CNOT6L: variants seen among roughly 807,000 people sequenced by gnomAD.
The protein encoded by CNOT6L is CCR4-NOT transcription complex subunit 6 like.
A neutral mutation model predicts 64.0 loss-of-function variants in CNOT6L; 7 were observed. The observed-to-expected ratio is 0.11, with a 90% CI of 0.06 to 0.21. CNOT6L has a LOEUF of 0.21. Ranked by LOEUF, CNOT6L falls within the 10% of genes least tolerant of loss-of-function variation. The pLI is 1.00. For missense variants in CNOT6L, 245 were observed against 669.0 expected (o/e 0.37, Z 6.99); for synonymous variants, 193 against 243.4 (o/e 0.79, Z 1.93).
chr4:77,730,474 G>T (rs1014484329), intron 9 of CNOT6L, among the ~76,000 whole-genome samples: 1 of 151,680 alleles, frequency 6.6e-6, no homozygotes, highest in African/African-American at 2.4e-5. Context: ...TTACTCTTCC[G>T]CAAATTAAAA....
At chr4:77,731,677 G>T in intron 8 of CNOT6L, 139 bp from the exon 9 acceptor site, 1 of 569,970 alleles carries the variant, frequency 1.8e-6, no homozygotes, top group Non-Finnish European at 2.9e-6. Flanking sequence ...TGGCCACTAA[G>T]ACACAAGAAG....
intron 1 of CNOT6L, among the ~76,000 whole-genome samples, chr4:77,791,832 A>T (rs1408606478): frequency 2.6e-5 from 4 of 152,194 alleles, no homozygotes; most frequent in Non-Finnish European, 5.9e-5. Flanking sequence ...AAAACCTTGC[A>T]TCTAAAGGAA....
At chr4:77,800,876 A>G (rs1731455376) in intron 1 of CNOT6L, among the ~76,000 whole-genome samples, 1 of 152,220 alleles carries the variant, frequency 6.6e-6, no homozygotes, top group African/African-American at 2.4e-5. Context: ...AAGGATGTAA[A>G]AGAAAGTTAA....
At chr4:77,819,249 C>G (rs766787052) in intron 1 of CNOT6L, 55 bp downstream of exon 1, 1 of 1,613,194 alleles carries the variant, frequency 6.2e-7, no homozygotes, top group East Asian at 2.2e-5. Context: ...TCCCCGGGGA[C>G]GCGCTCCTCT....
chr4:77,818,896 G>C, intron 1 of CNOT6L: 1 of 496,680 alleles, frequency 2.0e-6, no homozygotes, highest in Non-Finnish European at 3.7e-6. Context: ...CCGACCAGCA[G>C]CTCTCCCAGC....
intron 1 of CNOT6L, among the ~76,000 whole-genome samples, chr4:77,813,216 T>C (rs1237391803): frequency 3.3e-5 from 5 of 152,144 alleles, no homozygotes. Context: ...AAGATCTAAA[T>C]GTAAGAGTTA....
At chr4:77,739,549 T>C (rs537321049) in intron 8 of CNOT6L, among the ~76,000 whole-genome samples, 4 of 152,312 alleles carry the variant, frequency 2.6e-5, no homozygotes, top group East Asian at 3.9e-4. Flanking sequence ...AAATTCCAAA[T>C]AGTTGGCACT....
chr4:77,774,216 C>T (rs1727918468), intron 3 of CNOT6L, among the ~76,000 whole-genome samples: 1 of 152,090 alleles, frequency 6.6e-6, no homozygotes. Context: ...AAGTTTTATT[C>T]ATCAGCAAAT....
chr4:77,765,178 CA>C (rs1185971593), intron 4 of CNOT6L, among the ~76,000 whole-genome samples: 1 of 152,138 alleles, frequency 6.6e-6, no homozygotes, highest in East Asian at 1.9e-4. Flanking sequence ...TGACAGTTTA[CA>C]AAGGCCATGG....
chr4:77,727,876 G>A, intron 10 of CNOT6L, among the ~76,000 whole-genome samples: 1 of 152,140 alleles, frequency 6.6e-6, no homozygotes, highest in East Asian at 1.9e-4. Flanking sequence ...TTGCTAAGAA[G>A]AAAAAGATGT....
chr4:77,754,555 T>A (rs1725241459), intron 5 of CNOT6L, among the ~76,000 whole-genome samples: 2 of 152,036 alleles, frequency 1.3e-5, no homozygotes, highest in Admixed American at 6.6e-5. Context: ...AAAACCTCGT[T>A]CTAAAAATTT....
intron 2 of CNOT6L, 69 bp from the exon 3 acceptor site, chr4:77,774,785 T>C (rs1284104166): frequency 3.0e-6 from 3 of 988,346 alleles, no homozygotes; most frequent in Non-Finnish European, 4.3e-6. Context: ...CTACAACGAC[T>C]GAAAAGTGGT....
At chr4:77,743,565 G>A in intron 7 of CNOT6L, among the ~76,000 whole-genome samples, 1 of 136,170 alleles carries the variant, frequency 7.3e-6, no homozygotes, top group Non-Finnish European at 1.6e-5. Flanking sequence ...TGAAAAGAAT[G>A]TGTGAAATTG....
intron 1 of CNOT6L, among the ~76,000 whole-genome samples, chr4:77,783,305 T>C (rs997603430): frequency 6.6e-6 from 1 of 152,238 alleles, no homozygotes; most frequent in African/African-American, 2.4e-5. Flanking sequence ...TTACGACATT[T>C]ACTGTACCAA....
intron 1 of CNOT6L, among the ~76,000 whole-genome samples, chr4:77,789,297 C>A (rs1729815632): frequency 1.3e-5 from 2 of 151,986 alleles, no homozygotes; most frequent in South Asian, 4.1e-4. Flanking sequence ...CACAGCTCCC[C>A]CCACGCTCCC....
At chr4:77,790,432 C>A (rs1052857717) in intron 1 of CNOT6L, among the ~76,000 whole-genome samples, 1 of 152,134 alleles carries the variant, frequency 6.6e-6, no homozygotes, top group Non-Finnish European at 1.5e-5. Context: ...TACCAAAAAG[C>A]ATGATGGCTG....
In CNOT6L at chr4:77,719,690, T is replaced by C. The variant is rs1170794491; in HGVS notation, c.*741A>G. The C allele has an allele frequency of 6.6e-6, 1 of 152,584 alleles. No homozygotes were observed. Among genetic ancestry groups the C allele is most frequent in the Non-Finnish European group, 1.5e-5 (1 of 68,016 alleles). The allele number at this position is 152,584 out of a possible 1,614,324, so 9.5% of individuals were successfully genotyped here. A position where few individuals can be genotyped will look rare whatever the true frequency, so the allele number is the denominator to read the frequency against. The stretch of plus-strand genomic sequence containing the variant: ...ATACAGATTACTTACTTTTTCTCTA[T>C]AAATAAACTTGAGAGACAGGCTTAG... On this transcript the variant is annotated 3_prime_UTR_variant, in exon 12 of 12. Transcript: ENST00000504123.
At chr4:77,776,143 T>C in intron 2 of CNOT6L, 128 bp downstream of exon 2, 1 of 876,484 alleles carries the variant, frequency 1.1e-6, no homozygotes, top group Non-Finnish European at 1.8e-6. Flanking sequence ...AAAACACTAG[T>C]ATCTTACCAT....
intron 8 of CNOT6L, among the ~76,000 whole-genome samples, chr4:77,732,638 C>A (rs186960946): frequency 6.6e-6 from 1 of 152,042 alleles, no homozygotes; most frequent in Non-Finnish European, 1.5e-5. Context: ...CTATTTCTAA[C>A]CCAGAGTGCT....
Sources: allele counts gnomAD v4.1 joint callset (sites outside exome capture counted in the v4.1 genomes callset), GRCh38; gene constraint gnomAD v4.1.1; transcripts MANE v1.5; gene names NCBI Gene and HGNC (gene_info 2026-07-23, HGNC 2026-07-21).